Variants in IRAG1 observed in about 807,000 individuals in gnomAD.
IRAG1 encodes inositol 1,4,5-triphosphate receptor associated 1.
A neutral mutation model predicts 106.2 loss-of-function variants in IRAG1; 62 were observed. The observed-to-expected ratio is 0.58, with a 90% CI of 0.48 to 0.72. The LOEUF is 0.72. Ranked by LOEUF, IRAG1 falls within the 30% of genes least tolerant of loss-of-function variation. The pLI is 0.00. For missense variants in IRAG1, 1,064 were observed against 1,140.7 expected, an observed-to-expected ratio of 0.93 and a Z score of 0.97; for synonymous variants, 462 against 443.9, an observed-to-expected ratio of 1.04 and a Z score of -0.51.
chr11:10,692,695 G>C (rs1862153964), intron 1 of IRAG1, among the ~76,000 whole-genome samples: 2 of 152,206 alleles, frequency 1.3e-5, no homozygotes, highest in Admixed American at 1.3e-4. Context: ...CGAGCTCTGG[G>C]AGGCTGGAGT....
At chr11:10,652,520 C>A in intron 1 of IRAG1, 1 of 380,078 alleles carries the variant, frequency 2.6e-6, no homozygotes, top group Non-Finnish European at 4.6e-6. Context: ...TTACCACTTA[C>A]TGAGCACCTA....
intron 1 of IRAG1, among the ~76,000 whole-genome samples, chr11:10,663,090 G>A (rs536408276): frequency 6.6e-6 from 1 of 152,248 alleles, no homozygotes; most frequent in East Asian, 1.9e-4. Context: ...TTTTGTCCAG[G>A]CCCAGAGATC....
chr11:10,582,995 A>G (rs965162037), intron 18 of IRAG1, among the ~76,000 whole-genome samples: 2 of 152,194 alleles, frequency 1.3e-5, no homozygotes, highest in African/African-American at 4.8e-5. Context: ...AATGCGGGTT[A>G]TGTAAAGACT....
At chr11:10,692,645 G>A (rs192517732) in intron 1 of IRAG1, among the ~76,000 whole-genome samples, 1 of 152,288 alleles carries the variant, frequency 6.6e-6, no homozygotes, top group Non-Finnish European at 1.5e-5. Context: ...ACTTCCCTGT[G>A]CCACCCCAGT....
At position 10,628,162 on chromosome 11, in the gene IRAG1, G is replaced by T; in HGVS notation, c.653-137C>A. ...AAGATTTGCTGACTACCTCCCGTGT[G>T]CCAGGTTCTCAGGTGGGCCCTCACA... On this transcript the variant is annotated intron_variant, in intron 6 of 20. Transcript: ENST00000423302. This position sits in a 1 kb window ranked among gnomAD's most constrained non-coding sequence, Gnocchi z 4.1. The T allele has an allele frequency of 1.1e-6, 1 of 925,198 alleles. No homozygotes were observed. Among genetic ancestry groups the T allele is most frequent in the Non-Finnish European group, 1.7e-6 (1 of 576,502 alleles). The allele number at this position is 925,198 out of a possible 1,614,324, so 57.3% of individuals were successfully genotyped here. A position where few individuals can be genotyped will look rare whatever the true frequency, so the allele number is the denominator to read the frequency against.
intron 1 of IRAG1, among the ~76,000 whole-genome samples, chr11:10,680,069 T>C (rs1861024942): frequency 6.6e-6 from 1 of 151,700 alleles, no homozygotes; most frequent in South Asian, 2.1e-4. Context: ...AGGTCAGGGG[T>C]TTGAGACTGG....
chr11:10,622,499 T>C (rs1467539186), intron 10 of IRAG1, among the ~76,000 whole-genome samples: 3 of 152,216 alleles, frequency 2.0e-5, no homozygotes, highest in African/African-American at 7.2e-5. Context: ...CACATCTTTT[T>C]AAAAATGTTT....
chr11:10,653,263 C>T (rs770823183), intron 1 of IRAG1, among the ~76,000 whole-genome samples: 3 of 152,194 alleles, frequency 2.0e-5, no homozygotes, highest in African/African-American at 7.2e-5. Context: ...AAGGGACCTG[C>T]AGAGAAACAG....
chr11:10,690,816 C>A lies in IRAG1; in HGVS notation c.67+2720G>T, dbSNP rs535930341. 2.0e-5 allele frequency among the ~76,000 whole-genome samples: 3 copies of A among 152,300 alleles called. No homozygotes were observed. The South Asian group carries it at 6.2e-4, about 32-fold the overall frequency. On this transcript the variant is annotated intron_variant, in intron 1 of 20. Coordinates refer to ENST00000423302, the MANE Select transcript of IRAG1 (RefSeq NM_130385.4). The stretch of plus-strand genomic sequence containing the variant: ...AACAGATCTAGCACAGATCCTGGCA[C>A]AAAGTAGAAGCTCAATTAATACCAA...
At chr11:10,601,273 C>G (rs1446507026) in intron 14 of IRAG1, among the ~76,000 whole-genome samples, 2 of 152,206 alleles carry the variant, frequency 1.3e-5, no homozygotes, top group Non-Finnish European at 2.9e-5. Context: ...CACCACACTG[C>G]AGGAGATGAC....
At chr11:10,651,397 C>T (rs1858489280) in intron 2 of IRAG1, among the ~76,000 whole-genome samples, 1 of 152,168 alleles carries the variant, frequency 6.6e-6, no homozygotes, top group Admixed American at 6.5e-5. Flanking sequence ...GATCACTTTG[C>T]TGGTATAATA....
chr11:10,631,139 C>A (rs572812725), intron 4 of IRAG1, among the ~76,000 whole-genome samples: 1 of 152,184 alleles, frequency 6.6e-6, no homozygotes, highest in Non-Finnish European at 1.5e-5. Context: ...TGCTAATAAC[C>A]CACTTTGAGC....
chr11:10,680,143 CAT>C (rs1861033195), intron 1 of IRAG1, among the ~76,000 whole-genome samples: 2 of 151,506 alleles, frequency 1.3e-5, no homozygotes, highest in Non-Finnish European at 2.9e-5. Context: ...CATGGTGGCG[CAT>C]GCCTGTAATC....
intron 1 of IRAG1, among the ~76,000 whole-genome samples, chr11:10,678,994 C>G (rs1156731932): frequency 6.6e-6 from 1 of 152,184 alleles, no homozygotes; most frequent in Non-Finnish European, 1.5e-5. Flanking sequence ...GCTTCCCCTT[C>G]CCTTTCTCAG....
At chr11:10,678,552 C>T (rs1275762039) in intron 1 of IRAG1, among the ~76,000 whole-genome samples, 2 of 152,194 alleles carry the variant, frequency 1.3e-5, no homozygotes, top group Non-Finnish European at 2.9e-5. Flanking sequence ...GGTCACACAG[C>T]CATTAGGAGC....
rs966431386 is a variant in IRAG1, at chr11:10,622,382, G to T, written c.1447+1396C>A. 1.1e-4 allele frequency among the ~76,000 whole-genome samples: 16 copies of T among 152,282 alleles called. No individual in the cohort carries two copies. In the East Asian group the frequency reaches 2.7e-3, roughly 26 times the overall value. Reference sequence around the variant, plus strand: ...GAGGGAAGAGCCAGGAGCCTGGCCTGTTGGAAACACTCATCTCTCTCCACT... The same window carrying T: ...GAGGGAAGAGCCAGGAGCCTGGCCTTTTGGAAACACTCATCTCTCTCCACT... On this transcript the variant is annotated intron_variant, in intron 10 of 20. Coordinates refer to ENST00000423302, the MANE Select transcript of IRAG1 (RefSeq NM_130385.4).
chr11:10,616,405 G>A (rs56005304), intron 10 of IRAG1, among the ~76,000 whole-genome samples: 7,305 of 152,040 alleles, frequency 0.048, 380 homozygotes, highest in African/African-American at 0.13. Flanking sequence ...TCTGCTACTG[G>A]GGGACAGAGA....
intron 18 of IRAG1, chr11:10,589,064 C>T (rs935742212): frequency 4.6e-5 from 7 of 152,154 alleles, no homozygotes; most frequent in African/African-American, 1.7e-4. Context: ...TACGAAATGA[C>T]CTCCAAGAAC....
intron 1 of IRAG1, among the ~76,000 whole-genome samples, chr11:10,656,183 T>C (rs978659270): frequency 1.3e-5 from 2 of 152,026 alleles, no homozygotes; most frequent in Admixed American, 6.5e-5. Context: ...AAGGAAAAAA[T>C]ATTTAGTAAT....
Sources: gnomAD v4.1 joint callset for allele counts (sites outside exome capture counted in the v4.1 genomes callset) on GRCh38, gnomAD v4.1.1 for gene constraint, Gnocchi (gnomAD v3.1) non-coding constraint, MANE v1.5 for transcripts, NCBI Gene and HGNC (gene_info 2026-07-23, HGNC 2026-07-21) for gene names.